MAP3K12: variants seen among roughly 807,000 people sequenced by gnomAD.
The protein encoded by MAP3K12 is MAPK-upstream kinase.
A neutral mutation model predicts 87.5 loss-of-function variants in MAP3K12; 14 were observed. That is an observed-to-expected ratio of 0.16 (90% CI 0.11 to 0.25). The LOEUF (loss-of-function observed/expected upper bound fraction) is 0.25. MAP3K12 is among the 10% of genes least tolerant of loss of function. The pLI is 1.00. For synonymous variants in MAP3K12, 469 were observed against 452.5 expected, an observed-to-expected ratio of 1.04 and a Z score of -0.46; for missense variants, 802 against 1,140.4, an observed-to-expected ratio of 0.70 and a Z score of 4.27.
At chr12:53,491,334 G>A (rs1205022967) in intron 1 of MAP3K12, among the ~76,000 whole-genome samples, 1 of 143,908 alleles carries the variant, frequency 6.9e-6, no homozygotes, top group Non-Finnish European at 1.5e-5. Flanking sequence ...GGCTTACTAA[G>A]TATGTTAGCT....
At chr12:53,484,503 C>T in intron 6 of MAP3K12, 138 bp from the exon 7 acceptor site, 1 of 648,720 alleles carries the variant, frequency 1.5e-6, no homozygotes, top group Non-Finnish European at 2.7e-6. Flanking sequence ...TTATGGTCAA[C>T]TGTCTCTAGA....
chr12:53,496,518 A>C (rs1357689508), intron 1 of MAP3K12, among the ~76,000 whole-genome samples: 2 of 152,216 alleles, frequency 1.3e-5, no homozygotes, highest in African/African-American at 4.8e-5. Context: ...GATGGGCCTC[A>C]GGAGTCCCTC....
Position 53,486,878 on chromosome 12 carries a change from A to G in MAP3K12, c.445+69T>C, listed in dbSNP as rs778960465. The G allele has an allele frequency of 2.4e-5, 38 of 1,586,014 alleles. No homozygotes were observed. Among genetic ancestry groups the G allele is most frequent in the Non-Finnish European group, 3.0e-5 (35 of 1,164,080 alleles). ...AGGGAAGGGACCATTGCGTGACTTT[A>G]GCGGAGCTGACCAACAGATCTCGGG... On this transcript the variant is annotated intron_variant, in intron 2 of 13. Coordinates refer to ENST00000547488, the MANE Select transcript of MAP3K12 (RefSeq NM_001193511.2). The surrounding 1 kb of genome is among the most constrained non-coding windows in gnomAD (Gnocchi z 4.9).
Position 53,482,128 on chromosome 12 carries a change from C to T in MAP3K12, c.2393G>A (p.Ser798Asn), listed in dbSNP as rs777499700. 1.8e-5 allele frequency: 29 copies of T among 1,614,134 alleles called. No homozygotes were observed. The highest frequency in any genetic ancestry group is 8.5e-6 in the Non-Finnish European group (10 of 1,180,060). ...NPSDGEEGTA[S>N]EPSPSGTPEV... ...AGGTGTGCCACTGGGGGAAGGTTCA[C>T]TAGCTGTGCCTTCCTCCCCATCTGA... Residue 798 changes from serine (S) to asparagine (N), a missense_variant, in exon 13 of 14, where the codon AGT (serine) becomes AAT (asparagine). By Grantham distance (46) the Ser-to-Asn change is conservative (BLOSUM62 1). Coordinates refer to ENST00000547488, the MANE Select transcript of MAP3K12 (RefSeq NM_001193511.2).
chr12:53,501,479 G>A (rs997931385), upstream of MAP3K12: 1 of 1,560,092 alleles, frequency 6.4e-7, no homozygotes, highest in Non-Finnish European at 8.7e-7. Context: ...GTCTCGTACC[G>A]ATTCCTTCAG....
In MAP3K12 at chr12:53,485,547, C is replaced by A. The variant is rs1025744779; in HGVS notation, c.822-72G>T. The stretch of plus-strand genomic sequence containing the variant: ...TCATCTAACTCTGCAGCAACTCTGC[C>A]TTTCAGGTTTTTTTGTTTGTTTGTT... On this transcript the variant is annotated intron_variant, in intron 4 of 13. Coordinates refer to ENST00000547488, the MANE Select transcript of MAP3K12 (RefSeq NM_001193511.2). The A allele has an allele frequency of 3.9e-6, 6 of 1,522,234 alleles. No homozygotes were observed. In the African/African-American group the frequency reaches 8.3e-5, roughly 21 times the overall value. The allele number at this position is 1,522,234 out of a possible 1,614,324, so 94.3% of individuals were successfully genotyped here. A position where few individuals can be genotyped will look rare whatever the true frequency, so the allele number is the denominator to read the frequency against.
chr12:53,482,544 G>T (rs1943094084), intron 11 of MAP3K12, 21 bp downstream of exon 11: 2 of 1,597,194 alleles, frequency 1.3e-6, no homozygotes, highest in African/African-American at 1.3e-5. Context: ...GAAAGAGCTT[G>T]GGAGCCTTCC....
rs779824185 is a variant in MAP3K12 at position 53,486,592 on chromosome 12, A to T, written c.476T>A (p.Leu159Gln). The T allele has an allele frequency of 1.9e-6, 3 of 1,610,960 alleles. No individual in the cohort carries two copies. In the South Asian group the frequency reaches 3.3e-5, roughly 18 times the overall value. The stretch of plus-strand genomic sequence containing the variant: ...CCCTGAGCCCACCCACTGCAGGTCC[A>T]GGATTTCCTCAAAGGGGACCTCCCA... ...DLWEVPFEEI[L>Q]DLQWVGSGAQ... The change falls in exon 3 of 14, where the codon CTG becomes CAG. Residue 159 changes from leucine (L) to glutamine (Q), a missense_variant. Leu to Gln is a moderately radical substitution (Grantham distance 113). Around this residue, in one of 5 missense-constraint regions of MAP3K12, gnomAD observed 57 missense variants for 161.8 expected, o/e 0.35. Transcript: ENST00000547488. The surrounding 1 kb of genome is among the most constrained non-coding windows in gnomAD (Gnocchi z 4.9).
At chr12:53,485,654 C>G in intron 4 of MAP3K12, 179 bp from the exon 5 acceptor site, 1 of 657,012 alleles carries the variant, frequency 1.5e-6, no homozygotes, top group Admixed American at 3.0e-5. Context: ...CTCCTGGGTT[C>G]AAGTGATTCT....
At position 53,481,271 on chromosome 12, in the gene MAP3K12, T is replaced by C; in HGVS notation, c.2590A>G (p.Asn864Asp). 1 of 1,553,414 alleles carries C rather than the reference T, an allele frequency of 6.4e-7. No homozygotes were observed. Among genetic ancestry groups the C allele is most frequent in the South Asian group, 1.2e-5 (1 of 82,870 alleles). ...QELLRERGPP[N>D]SEDSDCDSTE... The stretch of plus-strand genomic sequence containing the variant: ...CTGTCACAGTCTGAGTCCTCAGAAT[T>C]GGGAGGGCCCTGTGAGAAAGAGTAG... The change falls in exon 14 of 14, where the codon AAT becomes GAT. Residue 864 changes from asparagine to aspartate, a missense_variant. By Grantham distance (23) the Asn-to-Asp change is conservative. Around this residue, in one of 5 missense-constraint regions of MAP3K12, gnomAD observed 490 missense variants for 496.6 expected, o/e 0.99. Transcript: ENST00000547488.
chr12:53,495,953 T>A (rs1347251933), intron 1 of MAP3K12, among the ~76,000 whole-genome samples: 1 of 152,072 alleles, frequency 6.6e-6, no homozygotes, highest in African/African-American at 2.4e-5. Context: ...GAAAAAAGAA[T>A]CAGCTTCAGA....
chr12:53,501,092 A>C, upstream of MAP3K12: 1 of 405,948 alleles, frequency 2.5e-6, no homozygotes, highest in Non-Finnish European at 4.6e-6. Flanking sequence ...GGGGCGCGGA[A>C]GGAAGGAGGC....
intron 13 of MAP3K12, 160 bp downstream of exon 13, chr12:53,481,781 G>C: frequency 1.2e-6 from 1 of 809,206 alleles, no homozygotes; most frequent in South Asian, 1.9e-5. Flanking sequence ...CGTAATAGAT[G>C]CTCTGTGCAA....
chr12:53,498,651 G>A (rs1182534901), intron 1 of MAP3K12, among the ~76,000 whole-genome samples: 1 of 152,122 alleles, frequency 6.6e-6, no homozygotes, highest in Non-Finnish European at 1.5e-5. Context: ...TTGTGGGAAA[G>A]GGAGGAGGTT....
chr12:53,482,357 A>AGAT lies in MAP3K12; in HGVS notation c.2248_2250dup (p.Ile750dup). ...ACCTCTCCTTCCTCCTCTTCCGATG[A>AGAT]GATGCCACGTTTCTGCAGGAGAGAT... On this transcript the variant is annotated inframe_insertion, in exon 12 of 14. Coordinates refer to ENST00000547488, the MANE Select transcript of MAP3K12 (RefSeq NM_001193511.2). 6.2e-7 allele frequency: 1 copy of AGAT among 1,613,716 alleles called. No individual in the cohort carries two copies. The highest frequency in any genetic ancestry group is 8.5e-7 in the Non-Finnish European group (1 of 1,179,910).
chr12:53,495,032 C>T (rs1477381230), intron 1 of MAP3K12, among the ~76,000 whole-genome samples: 1 of 151,922 alleles, frequency 6.6e-6, no homozygotes, highest in East Asian at 1.9e-4. Flanking sequence ...AGGCACTCAC[C>T]ACCACACCAG....
chr12:53,497,224 C>A, intron 1 of MAP3K12, among the ~76,000 whole-genome samples: 1 of 152,200 alleles, frequency 6.6e-6, no homozygotes, highest in East Asian at 1.9e-4. Context: ...CAGGACCTGG[C>A]ACACAGGAAG....
chr12:53,488,330 G>A (rs1260100084), intron 1 of MAP3K12, among the ~76,000 whole-genome samples: 1 of 152,216 alleles, frequency 6.6e-6, no homozygotes, highest in Non-Finnish European at 1.5e-5. Flanking sequence ...TCCAGGCAAT[G>A]GAGATGTGTC....
At position 53,485,346 on chromosome 12, in the gene MAP3K12, A is replaced by G; in HGVS notation, c.951T>C (p.Asn317=). The change falls in exon 5 of 14, where the codon AAT becomes AAC. Residue 317 remains asparagine (N), a synonymous_variant. Coordinates refer to ENST00000547488, the MANE Select transcript of MAP3K12 (RefSeq NM_001193511.2). The part of the protein sequence containing the change: ...VAWMAPEVIR[N]EPVSEKVDIW... ...TGTCGACCTTCTCAGACACAGGTTC[A>G]TTGCGGATCACCTCAGGGGCCATCC... 2 of 1,614,144 alleles carry G rather than the reference A, an allele frequency of 1.2e-6. No individual in the cohort carries two copies. The highest frequency in any genetic ancestry group is 1.7e-6 in the Non-Finnish European group (2 of 1,180,002).
Sources: gnomAD v4.1 joint callset for allele counts (sites outside exome capture counted in the v4.1 genomes callset) on GRCh38, gnomAD v4.1.1 for gene constraint, gnomAD v4.1.1 regional missense constraint, Gnocchi (gnomAD v3.1) non-coding constraint, MANE v1.5 for transcripts, NCBI Gene and HGNC (gene_info 2026-07-23, HGNC 2026-07-21) for gene names.